GPR158: variants seen among roughly 807,000 people sequenced by gnomAD.
GPR158 encodes the protein metabotropic glycine receptor.
Under a neutral mutation model 78.2 loss-of-function variants are expected in GPR158, and 30 were observed. The observed-to-expected ratio is 0.38, with a 90% CI of 0.29 to 0.52. The LOEUF is 0.52. Ranked by LOEUF, GPR158 falls within the 20% of genes least tolerant of loss-of-function variation. GPR158 has a pLI of 0.83. For missense variants in GPR158, 1,463 were observed against 1,523.5 expected (o/e 0.96, Z 0.66); for synonymous variants, 581 against 591.1 (o/e 0.98, Z 0.25).
chr10:25,387,217 A>C (rs1414076789), intron 2 of GPR158, among the ~76,000 whole-genome samples: 2 of 152,188 alleles, frequency 1.3e-5, no homozygotes, highest in Admixed American at 6.5e-5. Context: ...CTTTCTCTGC[A>C]TCACTTGAGA....
chr10:25,589,210 C>A, intron 8 of GPR158, 65 bp downstream of exon 8: 3 of 1,152,812 alleles, frequency 2.6e-6, no homozygotes, highest in East Asian at 2.4e-5. Context: ...GTTTAAATAA[C>A]AAAATTAGAT....
intron 2 of GPR158, among the ~76,000 whole-genome samples, chr10:25,245,447 A>T (rs1853676399): frequency 6.6e-6 from 1 of 152,210 alleles, no homozygotes; most frequent in South Asian, 2.1e-4. Context: ...CCTGAATAGT[A>T]ACCTAGAAAC....
intron 2 of GPR158, among the ~76,000 whole-genome samples, chr10:25,390,034 C>T (rs1225852588): frequency 2.0e-5 from 3 of 152,156 alleles, no homozygotes; most frequent in African/African-American, 4.8e-5. Flanking sequence ...AGTTCCTCTT[C>T]GCATGCTCTC....
At chr10:25,471,155 G>C (rs997465281) in intron 5 of GPR158, among the ~76,000 whole-genome samples, 1 of 142,472 alleles carries the variant, frequency 7.0e-6, no homozygotes, top group African/African-American at 2.7e-5. Context: ...TCCCTCCCCT[G>C]TGTCCAACTG....
intron 2 of GPR158, among the ~76,000 whole-genome samples, chr10:25,339,318 T>C (rs1380414321): frequency 6.6e-6 from 1 of 152,100 alleles, no homozygotes; most frequent in Non-Finnish European, 1.5e-5. Flanking sequence ...TTAATGCTAT[T>C]GTAATATCTT....
chr10:25,385,794 T>C (rs1834214269), intron 2 of GPR158, among the ~76,000 whole-genome samples: 1 of 152,136 alleles, frequency 6.6e-6, no homozygotes, highest in Non-Finnish European at 1.5e-5. Context: ...CCACTTAAAA[T>C]CAGGTTATTT....
At chr10:25,230,551 A>C (rs1310671802) in intron 2 of GPR158, among the ~76,000 whole-genome samples, 1 of 151,540 alleles carries the variant, frequency 6.6e-6, no homozygotes, top group Non-Finnish European at 1.5e-5. Context: ...AAAGAAATTG[A>C]GAATGTTTTT....
intron 2 of GPR158, among the ~76,000 whole-genome samples, chr10:25,345,918 T>G (rs1855365476): frequency 6.6e-6 from 1 of 151,870 alleles, no homozygotes; most frequent in Non-Finnish European, 1.5e-5. Flanking sequence ...GAAGAGCAAG[T>G]GATAAGAGCT....
intron 6 of GPR158, among the ~76,000 whole-genome samples, chr10:25,561,535 G>A (rs762373802): frequency 5.3e-5 from 8 of 152,208 alleles, no homozygotes; most frequent in Non-Finnish European, 1.2e-4. Context: ...AAGCAGTGGG[G>A]AGGGACCAAT....
At chr10:25,225,130 G>C (rs1221520074) in intron 2 of GPR158, among the ~76,000 whole-genome samples, 1 of 149,676 alleles carries the variant, frequency 6.7e-6, no homozygotes, top group African/African-American at 2.5e-5. Context: ...AGACACTATT[G>C]ATAACCAACC....
rs756759445 is a variant in GPR158, at chr10:25,317,716, G to GTTTTTT, written c.1009-78191_1009-78186dup. ...TTAAATTCTGTTTTCTTCGTAAAGT[G>GTTTTTT]TTTTTTTTTGTTTTGTTTTGTTTTG... On this transcript the variant is annotated intron_variant, in intron 2 of 10. Transcript: ENST00000376351. 1.8e-3 allele frequency among the ~76,000 whole-genome samples: 242 copies of GTTTTTT among 133,890 alleles called. 14 individuals are homozygous for GTTTTTT. Among genetic ancestry groups the GTTTTTT allele is most frequent in the African/African-American group, 5.5e-3 (173 of 31,184 alleles). The allele number at this position is 133,890 out of a possible 152,430, so 87.8% of individuals were successfully genotyped here. A position where few individuals can be genotyped will look rare whatever the true frequency, so the allele number is the denominator to read the frequency against.
chr10:25,328,807 A>G (rs1191908636), intron 2 of GPR158, among the ~76,000 whole-genome samples: 1 of 151,540 alleles, frequency 6.6e-6, no homozygotes, highest in Non-Finnish European at 1.5e-5. Context: ...GACACCTGTA[A>G]TCCCAGATGA....
Position 25,599,162 on chromosome 10 carries a change from C to G in GPR158, c.3536C>G (p.Pro1179Arg), listed in dbSNP as rs766955785. 1.2e-6 allele frequency: 2 copies of G among 1,611,044 alleles called. No individual in the cohort carries two copies. The highest frequency in any genetic ancestry group is 1.7e-6 in the Non-Finnish European group (2 of 1,179,870). ...AEVCPWEFET[P>R]AQPNAGRSVA... Reference sequence around the variant, plus strand: ...GTTTGTCCTTGGGAGTTTGAGACCCCAGCTCAACCAAATGCTGGAAGAAGT... The same window carrying G: ...GTTTGTCCTTGGGAGTTTGAGACCCGAGCTCAACCAAATGCTGGAAGAAGT... Residue 1179 changes from proline to arginine, a missense_variant, in exon 11 of 11, where the codon CCA becomes CGA. Transcript: ENST00000376351.
At chr10:25,418,863 T>A (rs1439224591) in intron 4 of GPR158, among the ~76,000 whole-genome samples, 1 of 150,058 alleles carries the variant, frequency 6.7e-6, no homozygotes, top group Non-Finnish European at 1.5e-5. Flanking sequence ...CACACTGTAG[T>A]TGGTATTTTC....
At chr10:25,292,569 G>C (rs543661484) in intron 2 of GPR158, among the ~76,000 whole-genome samples, 1 of 152,066 alleles carries the variant, frequency 6.6e-6, no homozygotes, top group African/African-American at 2.4e-5. Context: ...TTGAATGAGG[G>C]AGTAAACAGT....
intron 5 of GPR158, among the ~76,000 whole-genome samples, chr10:25,537,632 G>A (rs1836517874): frequency 6.6e-6 from 1 of 152,048 alleles, no homozygotes; most frequent in Admixed American, 6.6e-5. Context: ...TTGAACTGGA[G>A]CTTAACTGCC....
chr10:25,305,576 C>G (rs1015629555), intron 2 of GPR158, among the ~76,000 whole-genome samples: 2 of 152,036 alleles, frequency 1.3e-5, no homozygotes, highest in Non-Finnish European at 2.9e-5. Flanking sequence ...GAAGGAGATG[C>G]CTGTGTTGTG....
chr10:25,382,191 G>T (rs1834164327), intron 2 of GPR158, among the ~76,000 whole-genome samples: 1 of 152,174 alleles, frequency 6.6e-6, no homozygotes, highest in Non-Finnish European at 1.5e-5. Flanking sequence ...AAGCCTTTGG[G>T]CTATTTCTGT....
At chr10:25,215,473 C>G (rs1163048423) in intron 1 of GPR158, among the ~76,000 whole-genome samples, 1 of 152,136 alleles carries the variant, frequency 6.6e-6, no homozygotes, top group Non-Finnish European at 1.5e-5. Flanking sequence ...GAACTCAATA[C>G]TACAAAAGCG....
Sources: gnomAD v4.1 joint callset for allele counts (sites outside exome capture counted in the v4.1 genomes callset) on GRCh38, gnomAD v4.1.1 for gene constraint, MANE v1.5 for transcripts, NCBI Gene and HGNC (gene_info 2026-07-23, HGNC 2026-07-21) for gene names.